CDK14: variants seen among roughly 807,000 people sequenced by gnomAD.
The protein encoded by CDK14 is cyclin dependent kinase 14.
In CDK14, 34 loss-of-function variants were observed where a neutral mutation model predicts 60.7. The observed-to-expected ratio is 0.56, with a 90% confidence interval of 0.43 to 0.75. CDK14 has a LOEUF of 0.75. CDK14 is among the 30% of genes least tolerant of loss of function. CDK14 has a pLI of 0.00. For synonymous variants in CDK14, 197 were observed against 203.7 expected (o/e 0.97, Z 0.28); for missense variants, 482 against 564.1 (o/e 0.85, Z 1.47).
At chr7:90,976,098 T>C (rs1172109785) in intron 9 of CDK14, among the ~76,000 whole-genome samples, 1 of 152,154 alleles carries the variant, frequency 6.6e-6, no homozygotes, top group Non-Finnish European at 1.5e-5. Context: ...ATTTGTAGTT[T>C]TTTGAGAAAC....
chr7:90,971,671 A>G (rs977857211), intron 9 of CDK14, among the ~76,000 whole-genome samples: 1 of 149,902 alleles, frequency 6.7e-6, no homozygotes, highest in South Asian at 2.1e-4. Flanking sequence ...AAAAAAAAAA[A>G]GGCAAAAGAT....
chr7:91,044,036 AC>A (rs1354211941), intron 10 of CDK14, among the ~76,000 whole-genome samples: 1 of 152,174 alleles, frequency 6.6e-6, no homozygotes, highest in African/African-American at 2.4e-5. Context: ...AAAGAGTCAA[AC>A]TCTGTAAAAT....
intron 5 of CDK14, among the ~76,000 whole-genome samples, chr7:90,854,006 G>A (rs1790739135): frequency 1.3e-5 from 2 of 152,296 alleles, no homozygotes; most frequent in African/African-American, 4.8e-5. Context: ...GTTTTGTGGA[G>A]GAGTCTGACA....
intron 2 of CDK14, among the ~76,000 whole-genome samples, chr7:90,708,745 G>A (rs1282535915): frequency 6.6e-6 from 1 of 152,168 alleles, no homozygotes; most frequent in African/African-American, 2.4e-5. Context: ...CATTGACACA[G>A]TAGTTACCGC....
intron 6 of CDK14, among the ~76,000 whole-genome samples, chr7:90,888,081 A>G (rs1000026835): frequency 1.3e-5 from 2 of 152,076 alleles, no homozygotes; most frequent in Admixed American, 1.3e-4. Context: ...GCCAGGCGCA[A>G]TGGCTCACAC....
intron 4 of CDK14, among the ~76,000 whole-genome samples, chr7:90,756,436 A>T (rs1804061587): frequency 6.6e-6 from 1 of 152,354 alleles, no homozygotes; most frequent in Non-Finnish European, 1.5e-5. Flanking sequence ...TTTGAGAAAG[A>T]TTGTTCTGGA....
At chr7:90,683,668 G>A (rs1391303191) in intron 2 of CDK14, among the ~76,000 whole-genome samples, 2 of 152,184 alleles carry the variant, frequency 1.3e-5, no homozygotes, top group Non-Finnish European at 2.9e-5. Context: ...GGGCGTCGTG[G>A]CACATGCCTG....
intron 2 of CDK14, among the ~76,000 whole-genome samples, chr7:90,678,833 A>T (rs563299943): frequency 6.6e-6 from 1 of 152,354 alleles, no homozygotes; most frequent in South Asian, 2.1e-4. Flanking sequence ...GAAGGTGATC[A>T]CATACTTCTG....
At chr7:90,808,075 G>A (rs1788932682) in intron 5 of CDK14, among the ~76,000 whole-genome samples, 1 of 152,158 alleles carries the variant, frequency 6.6e-6, no homozygotes, top group African/African-American at 2.4e-5. Flanking sequence ...CCCTAATCTA[G>A]CAAGGCAGGC....
intron 13 of CDK14, among the ~76,000 whole-genome samples, chr7:91,115,632 G>A: frequency 6.6e-6 from 1 of 152,132 alleles, no homozygotes; most frequent in Admixed American, 6.5e-5. Context: ...GCAAAGTCAG[G>A]TTAAAAGGAG....
At chr7:90,607,166 G>A (rs779234984) in intron 2 of CDK14, among the ~76,000 whole-genome samples, 10 of 152,152 alleles carry the variant, frequency 6.6e-5, no homozygotes, top group Non-Finnish European at 1.5e-4. Flanking sequence ...TATGTACATA[G>A]GAACTGAGTT....
intron 2 of CDK14, among the ~76,000 whole-genome samples, chr7:90,665,214 G>A (rs1800950074): frequency 6.6e-6 from 1 of 152,092 alleles, no homozygotes; most frequent in South Asian, 2.1e-4. Flanking sequence ...GAACCCAGGA[G>A]GCGAAGGTTG....
chr7:90,640,708 A>G (rs768037159), intron 2 of CDK14, among the ~76,000 whole-genome samples: 8 of 152,110 alleles, frequency 5.3e-5, no homozygotes, highest in Non-Finnish European at 7.4e-5. Flanking sequence ...TGAGATCATC[A>G]GAGTGTTCTA....
chr7:90,841,983 A>T (rs868809957), intron 5 of CDK14, among the ~76,000 whole-genome samples: 3 of 152,086 alleles, frequency 2.0e-5, no homozygotes, highest in East Asian at 1.9e-4. Flanking sequence ...GTATTTTTTT[A>T]AAAAATAATC....
At chr7:90,685,472 T>A (rs1801412291) in intron 2 of CDK14, among the ~76,000 whole-genome samples, 1 of 151,976 alleles carries the variant, frequency 6.6e-6, no homozygotes, top group Non-Finnish European at 1.5e-5. Flanking sequence ...GCATTGAATT[T>A]ATTTAATTTA....
chr7:90,868,302 T>TAC (rs758911261), intron 6 of CDK14, among the ~76,000 whole-genome samples: 59 of 149,324 alleles, frequency 4.0e-4, no homozygotes, highest in Middle Eastern at 3.6e-3. Flanking sequence ...TATATATATA[T>TAC]ACACACACAC....
chr7:90,598,167 T>C (rs957420584), intron 1 of CDK14, among the ~76,000 whole-genome samples: 2 of 152,236 alleles, frequency 1.3e-5, no homozygotes, highest in Non-Finnish European at 2.9e-5. Flanking sequence ...TATTTACTAA[T>C]GCTAATGATT....
At chr7:90,742,338 C>T (rs1803379815) in intron 3 of CDK14, among the ~76,000 whole-genome samples, 1 of 151,870 alleles carries the variant, frequency 6.6e-6, no homozygotes, top group African/African-American at 2.4e-5. Flanking sequence ...AAAGTATGTA[C>T]TAAATTTTGA....
rs975688191 is a variant in CDK14, at chr7:91,166,154, T to C, written c.*29-41011T>C. Among the ~76,000 whole-genome samples, 20 of 152,358 alleles carry C rather than the reference T, an allele frequency of 1.3e-4. No homozygotes were observed. In the South Asian group the frequency reaches 1.7e-3, roughly 13 times the overall value. ...ACACCCTTATGTGTAGAAGGTCTTA[T>C]GTAGAGAGACTTATGAAATGCATAT... On this transcript the variant is annotated intron_variant, in intron 14 of 14. Coordinates refer to ENST00000380050, the MANE Select transcript of CDK14 (RefSeq NM_001287135.2).
Sources: allele counts gnomAD v4.1 joint callset (sites outside exome capture counted in the v4.1 genomes callset), GRCh38; gene constraint gnomAD v4.1.1; transcripts MANE v1.5; gene names NCBI Gene and HGNC (gene_info 2026-07-23, HGNC 2026-07-21).